Variants in ALCAM observed in about 807,000 individuals in gnomAD.
The protein encoded by ALCAM is CD166 antigen.
Under a neutral mutation model 70.9 loss-of-function variants are expected in ALCAM, and 30 were observed. That is an observed-to-expected ratio of 0.42 (90% CI 0.32 to 0.57). The LOEUF (loss-of-function observed/expected upper bound fraction) is 0.57. Among genes scored for constraint, ALCAM ranks in the 20% least tolerant of loss-of-function variants. The probability of loss-of-function intolerance (pLI) is 0.11; values close to 1 mark genes in which losing one functional copy is unlikely to be tolerated. For missense variants in ALCAM, 591 were observed against 695.1 expected, an observed-to-expected ratio of 0.85 and a Z score of 1.68; for synonymous variants, 249 against 242.5, an observed-to-expected ratio of 1.03 and a Z score of -0.25.
At position 105,480,547 on chromosome 3, in the gene ALCAM, AC is replaced by A. The variant is rs569304675; in HGVS notation, c.74-39519del. Among the ~76,000 whole-genome samples, 451 of 152,218 alleles carry A rather than the reference AC, an allele frequency of 3.0e-3. 4 individuals carry two copies. Among genetic ancestry groups the A allele is most frequent in the African/African-American group, 0.01 (433 of 41,542 alleles). On this transcript the variant is annotated intron_variant, in intron 1 of 15. Coordinates refer to ENST00000306107, the MANE Select transcript of ALCAM (RefSeq NM_001627.4). ...AACAGAATTCTGCACCTTTGACTCA[AC>A]AGAAAATCATAGTGCTCAGATGCAA... is the stretch of plus-strand genomic sequence containing the variant.
At chr3:105,538,949 A>G (rs1301476367) in intron 6 of ALCAM, among the ~76,000 whole-genome samples, 2 of 152,166 alleles carry the variant, frequency 1.3e-5, no homozygotes, top group Non-Finnish European at 2.9e-5. Flanking sequence ...TATCTATAGA[A>G]AGGTAAATAA....
Position 105,571,950 on chromosome 3 carries a change from G to C in ALCAM, c.*11G>C. Reference sequence around the variant, plus strand: ...AAAACTGAAGCCTAAGAGAGAAACTGTCCTAGTTGTCCAGGTGAGTAGTCT... The same window carrying C: ...AAAACTGAAGCCTAAGAGAGAAACTCTCCTAGTTGTCCAGGTGAGTAGTCT... On this transcript the variant is annotated 3_prime_UTR_variant, in exon 15 of 16. Transcript: ENST00000306107. The C allele has an allele frequency of 2.5e-6, 4 of 1,593,284 alleles. No individual in the cohort carries two copies. The highest frequency in any genetic ancestry group is 3.4e-6 in the Non-Finnish European group (4 of 1,162,380).
chr3:105,370,940 A>G (rs1935212613), intron 1 of ALCAM, among the ~76,000 whole-genome samples: 1 of 152,192 alleles, frequency 6.6e-6, no homozygotes, highest in African/African-American at 2.4e-5. Context: ...AAAGCCTCAT[A>G]TTGTACATCC....
At chr3:105,547,558 C>T (rs1312970335) in intron 11 of ALCAM, 35 bp downstream of exon 11, 5 of 1,589,370 alleles carry the variant, frequency 3.1e-6, no homozygotes, top group Non-Finnish European at 4.3e-6. Context: ...TGCTGCACTT[C>T]GTCCAATGCG....
At position 105,419,189 on chromosome 3, in the gene ALCAM, AG is replaced by A. The variant is rs1936581863; in HGVS notation, c.73+51710del. Among the ~76,000 whole-genome samples, 5 of 150,730 alleles carry A rather than the reference AG, an allele frequency of 3.3e-5. No homozygotes were observed. In the East Asian group the frequency reaches 9.8e-4, roughly 30 times the overall value. The stretch of plus-strand genomic sequence containing the variant: ...TAATGTAGTATTATAGTTTAAAGTT[AG>A]GTTCTCTTCATCTACTTCCTGAAAC... On this transcript the variant is annotated intron_variant, in intron 1 of 15. Transcript: ENST00000306107.
At chr3:105,406,201 T>G (rs1490104510) in intron 1 of ALCAM, among the ~76,000 whole-genome samples, 1 of 152,168 alleles carries the variant, frequency 6.6e-6, no homozygotes, top group African/African-American at 2.4e-5. Flanking sequence ...ACTGGGGTAA[T>G]TACCCTTATC....
intron 1 of ALCAM, among the ~76,000 whole-genome samples, chr3:105,444,066 T>C (rs1393179895): frequency 2.0e-5 from 3 of 152,204 alleles, no homozygotes; most frequent in African/African-American, 7.2e-5. Context: ...GCATGGTATG[T>C]CCATCATAGA....
At chr3:105,512,365 T>C (rs1319275781) in intron 1 of ALCAM, among the ~76,000 whole-genome samples, 1 of 151,900 alleles carries the variant, frequency 6.6e-6, no homozygotes, top group Non-Finnish European at 1.5e-5. Context: ...TGAAATGTTT[T>C]TACGAATGCA....
intron 1 of ALCAM, among the ~76,000 whole-genome samples, chr3:105,471,182 G>A (rs1281769481): frequency 2.6e-5 from 4 of 151,350 alleles, no homozygotes; most frequent in Non-Finnish European, 5.9e-5. Flanking sequence ...ATTTTATAGT[G>A]TGGAACAGAT....
chr3:105,568,832 G>T (rs1431297950), intron 14 of ALCAM, among the ~76,000 whole-genome samples: 3 of 151,124 alleles, frequency 2.0e-5, no homozygotes, highest in Non-Finnish European at 4.4e-5. Flanking sequence ...CTTTTCTGAG[G>T]GTTTATAATT....
At chr3:105,459,212 A>G (rs1310718163) in intron 1 of ALCAM, among the ~76,000 whole-genome samples, 7 of 152,126 alleles carry the variant, frequency 4.6e-5, no homozygotes, top group Non-Finnish European at 1.0e-4. Flanking sequence ...GTGCTTCCGC[A>G]TGAAATATTC....
intron 1 of ALCAM, among the ~76,000 whole-genome samples, chr3:105,500,722 C>A (rs1938896940): frequency 6.6e-6 from 1 of 152,220 alleles, no homozygotes; most frequent in Admixed American, 6.5e-5. Context: ...ACTTTAAATT[C>A]TCTGGTCCTT....
intron 1 of ALCAM, among the ~76,000 whole-genome samples, chr3:105,465,872 G>A (rs1227549738): frequency 6.6e-6 from 1 of 151,262 alleles, no homozygotes; most frequent in Non-Finnish European, 1.5e-5. Context: ...TGCATTGCCA[G>A]AGGTAAATAG....
chr3:105,367,355 G>T lies in ALCAM; in HGVS notation c.-54G>T, dbSNP rs1412677506. 1 of 1,591,612 alleles carries T rather than the reference G, an allele frequency of 6.3e-7. No homozygotes were observed. Among genetic ancestry groups the T allele is most frequent in the Admixed American group, 1.7e-5 (1 of 57,926 alleles). Reference sequence around the variant, plus strand: ...CGGGCACCGCGGGGCCCGGGACGACGCCCCCTCCTGCGGCGTGGACTCCGT... The same window carrying T: ...CGGGCACCGCGGGGCCCGGGACGACTCCCCCTCCTGCGGCGTGGACTCCGT... On this transcript the variant is annotated 5_prime_UTR_variant, in exon 1 of 16. Coordinates refer to ENST00000306107, the MANE Select transcript of ALCAM (RefSeq NM_001627.4).
chr3:105,398,915 T>A (rs1936019416), intron 1 of ALCAM, among the ~76,000 whole-genome samples: 1 of 151,970 alleles, frequency 6.6e-6, no homozygotes, highest in Non-Finnish European at 1.5e-5. Flanking sequence ...TTCCTTTTCT[T>A]CCTTTTCTTT....
chr3:105,440,853 T>C (rs186546773), intron 1 of ALCAM: 2 of 152,352 alleles, frequency 1.3e-5, no homozygotes, highest in East Asian at 1.9e-4. Context: ...TTTTCAGGCA[T>C]TGAAGGACTG....
chr3:105,392,212 T>G (rs1264955775), intron 1 of ALCAM, among the ~76,000 whole-genome samples: 1 of 151,922 alleles, frequency 6.6e-6, no homozygotes, highest in Non-Finnish European at 1.5e-5. Flanking sequence ...TCTTTTTTTT[T>G]GTTTGGTAGG....
chr3:105,484,047 G>T (rs1176843908), intron 1 of ALCAM, among the ~76,000 whole-genome samples: 1 of 151,790 alleles, frequency 6.6e-6, no homozygotes, highest in African/African-American at 2.4e-5. Context: ...GAAAGCTGTC[G>T]CCTAACATTA....
chr3:105,437,834 G>A (rs1441230628), intron 1 of ALCAM, among the ~76,000 whole-genome samples: 1 of 151,932 alleles, frequency 6.6e-6, no homozygotes, highest in Non-Finnish European at 1.5e-5. Context: ...CAAATTAGAA[G>A]CAATTTATTT....
Sources: allele counts gnomAD v4.1 joint callset (sites outside exome capture counted in the v4.1 genomes callset), GRCh38; gene constraint gnomAD v4.1.1; transcripts MANE v1.5; gene names NCBI Gene and HGNC (gene_info 2026-07-23, HGNC 2026-07-21).